Variants in TAF1 observed in about 807,000 individuals in gnomAD.
TAF1 encodes TATA-box binding protein associated factor 1, also known as transcription initiation factor TFIID subunit 1.
Under a neutral mutation model 138.5 loss-of-function variants are expected in TAF1, and 2 were observed. That is an observed-to-expected ratio of 0.01 (90% CI 0.01 to 0.05). The LOEUF is 0.05. TAF1 is among the 10% of genes least tolerant of loss of function. The pLI is 1.00. For synonymous variants in TAF1, 437 were observed against 503.2 expected, an observed-to-expected ratio of 0.87 and a Z score of 1.76; for missense variants, 709 against 1,478.0, an observed-to-expected ratio of 0.48 and a Z score of 8.53.
At chrX:71,474,882 A>G (rs2038952929) in intron 13 of TAF1, among the ~76,000 whole-genome samples, 2 of 111,636 alleles carry the variant, frequency 1.8e-5, no homozygotes, top group South Asian at 7.5e-4. Context: ...AGGTAGAAGG[A>G]ATAGTAAGAT....
chrX:71,419,701 T>C (rs1279515693), intron 28 of TAF1, among the ~76,000 whole-genome samples: 1 of 110,984 alleles, frequency 9.0e-6, no homozygotes, highest in African/African-American at 3.3e-5. Flanking sequence ...CAGTTTGGTG[T>C]CCTTCCAGAG....
In TAF1 at chrX:71,451,617, C is replaced by A. The variant is rs770399953; in HGVS notation, c.4754-2553C>A. 3.3e-3 allele frequency among the ~76,000 whole-genome samples: 365 copies of A among 109,620 alleles called. 2 individuals carry two copies. The highest frequency in any genetic ancestry group is 0.011 in the African/African-American group (341 of 30,094). On this transcript the variant is annotated intron_variant, in intron 32 of 37. Coordinates refer to ENST00000423759, the MANE Select transcript of TAF1 (RefSeq NM_004606.5). ...TCTCTGGTTTTCCTAGGCAGAGGAC[C>A]CTGCGGCCTTCCGCAGTGTTTGTGT...
Position 71,375,986 on chromosome X carries a change from A to G in TAF1, c.472+700A>G, listed in dbSNP as rs149837335. ...ATTAGGAAGGTGCCCTGGAATGTTGATAAATCAGATAGTGTCAACTACCAG... is the reference window on the plus strand; with the variant it reads ...ATTAGGAAGGTGCCCTGGAATGTTGGTAAATCAGATAGTGTCAACTACCAG... On this transcript the variant is annotated intron_variant, in intron 4 of 37. Coordinates refer to ENST00000423759, the MANE Select transcript of TAF1 (RefSeq NM_004606.5). 7.0e-3 allele frequency among the ~76,000 whole-genome samples: 794 copies of G among 112,787 alleles called. 2 individuals carry two copies. The highest frequency in any genetic ancestry group is 0.028 in the Middle Eastern group (6 of 217).
intron 13 of TAF1, among the ~76,000 whole-genome samples, chrX:71,502,258 T>C (rs773436302): frequency 1.8e-5 from 2 of 111,613 alleles, no homozygotes; most frequent in Admixed American, 9.5e-5. Flanking sequence ...AGAGTGCTGA[T>C]TGGCGCATTT....
At chrX:71,455,089 T>G in intron 34 of TAF1, 2 of 1,113,309 alleles carry the variant, frequency 1.8e-6, no homozygotes, top group Non-Finnish European at 1.2e-6. Context: ...GGGTGGGGCC[T>G]TAGTTGTTTA....
chrX:71,394,303 C>G lies in TAF1; in HGVS notation c.3406+58C>G. The G allele has an allele frequency of 8.0e-6, 9 of 1,118,912 alleles. No homozygotes were observed. In the South Asian group the frequency reaches 2.1e-4, roughly 26 times the overall value. 92.2% of individuals were successfully genotyped at this position (1,118,912 alleles called of 1,213,427 possible). On this transcript the variant is annotated intron_variant, in intron 22 of 37. Coordinates refer to ENST00000423759, the MANE Select transcript of TAF1 (RefSeq NM_004606.5). ...AGAGAAGGGTTAAAAAAGGAGCCTA[C>G]GTAACTGCAGACTGTAATTGAGGGA...
At chrX:71,484,214 AT>A (rs1236640867) in intron 13 of TAF1, among the ~76,000 whole-genome samples, 1 of 110,811 alleles carries the variant, frequency 9.0e-6, no homozygotes, top group Non-Finnish European at 1.9e-5. Context: ...TAATTTTCCA[AT>A]TTTTTGCTTT....
intron 1 of TAF1, among the ~76,000 whole-genome samples, chrX:71,367,063 T>G (rs747785745): frequency 8.9e-6 from 1 of 112,175 alleles, no homozygotes; most frequent in African/African-American, 3.2e-5. Flanking sequence ...CTGCCTTCAC[T>G]TAGGCCCGTT....
intron 28 of TAF1, among the ~76,000 whole-genome samples, chrX:71,410,603 G>A (rs180944656): frequency 0.017 from 1,828 of 108,185 alleles, 39 homozygotes; most frequent in African/African-American, 0.058. Flanking sequence ...GACTACAGGC[G>A]CCAGCCACCA....
intron 24 of TAF1, 136 bp from the exon 25 acceptor site, chrX:71,401,392 G>T: frequency 2.7e-6 from 2 of 741,186 alleles, no homozygotes; most frequent in Non-Finnish European, 2.0e-6. Flanking sequence ...ACTATGTGTG[G>T]ATTTTGGTAT....
At chrX:71,460,304 A>G (rs2038495701) in intron 36 of TAF1, among the ~76,000 whole-genome samples, 1 of 112,676 alleles carries the variant, frequency 8.9e-6, no homozygotes, top group Admixed American at 9.4e-5. Context: ...ACAGGGAAGG[A>G]AAATTAAGAA....
intron 28 of TAF1, chrX:71,420,584 A>G: frequency 8.3e-7 from 1 of 1,209,097 alleles, no homozygotes; most frequent in Non-Finnish European, 1.1e-6. Flanking sequence ...CTCGTTCTGT[A>G]GCTCCTTTAG....
intron 16 of TAF1, 38 bp from the exon 17 acceptor site, chrX:71,388,700 C>A: frequency 8.3e-7 from 1 of 1,206,844 alleles, no homozygotes; most frequent in Non-Finnish European, 1.1e-6. Context: ...CTTTGGAATT[C>A]AGAATGGTCT....
At chrX:71,518,696 T>TA (rs1379559928) in intron 13 of TAF1, among the ~76,000 whole-genome samples, 1 of 91,875 alleles carries the variant, frequency 1.1e-5, no homozygotes, top group African/African-American at 4.0e-5. Flanking sequence ...TTCTTTCTTT[T>TA]TTTTTTTTTT....
intron 7 of TAF1, 42 bp from the exon 8 acceptor site, chrX:71,378,782 G>A (rs2033661575): frequency 8.5e-7 from 1 of 1,170,129 alleles, no homozygotes; most frequent in Admixed American, 2.2e-5. Flanking sequence ...ACCTTGACCA[G>A]TGACCAATCA....
At chrX:71,439,916 A>G (rs969195084) in intron 32 of TAF1, among the ~76,000 whole-genome samples, 7 of 112,118 alleles carry the variant, frequency 6.2e-5, no homozygotes, top group Admixed American at 1.9e-4. Flanking sequence ...ATATTGGTAC[A>G]TTACTTTTAA....
chrX:71,514,499 C>T (rs758577670), intron 13 of TAF1, among the ~76,000 whole-genome samples: 141 of 98,889 alleles, frequency 1.4e-3, no homozygotes, highest in Middle Eastern at 0.011. Flanking sequence ...CACATGTAGG[C>T]GGGGGCCTGA....
chrX:71,483,178 G>T (rs2039102466), intron 13 of TAF1, among the ~76,000 whole-genome samples: 1 of 91,986 alleles, frequency 1.1e-5, no homozygotes, highest in African/African-American at 4.0e-5. Flanking sequence ...TGTAGAGATG[G>T]GGTCTCACTG....
At chrX:71,378,145 A>G (rs957768972) in intron 6 of TAF1, 90 bp from the exon 7 acceptor site, 1 of 921,271 alleles carries the variant, frequency 1.1e-6, no homozygotes, top group East Asian at 3.2e-5. Context: ...CAGTTTCTCT[A>G]AGTTCCCCTC....
Sources: gnomAD v4.1 joint callset for allele counts (sites outside exome capture counted in the v4.1 genomes callset) on GRCh38, gnomAD v4.1.1 for gene constraint, MANE v1.5 for transcripts, NCBI Gene and HGNC (gene_info 2026-07-23, HGNC 2026-07-21) for gene names.